Variants in MOGAT3 observed in about 807,000 individuals in gnomAD.
The protein encoded by MOGAT3 is monoacylglycerol O-acyltransferase 3, also known as 2-acylglycerol O-acyltransferase 3.
Under a neutral mutation model 34.4 loss-of-function variants are expected in MOGAT3, and 39 were observed. The observed-to-expected ratio is 1.13, with a 90% confidence interval of 0.88 to 1.48. The LOEUF (loss-of-function observed/expected upper bound fraction) is 1.48. Ranked by LOEUF, MOGAT3 falls within the 40% of genes most tolerant of loss-of-function variation. The probability of loss-of-function intolerance (pLI) is 0.00; values close to 1 mark genes in which losing one functional copy is unlikely to be tolerated. For synonymous variants in MOGAT3, 209 were observed against 179.2 expected, an observed-to-expected ratio of 1.17 and a Z score of -1.33; for missense variants, 439 against 438.9, an observed-to-expected ratio of 1.00 and a Z score of 0.00.
At position 101,195,533 on chromosome 7, in the gene MOGAT3, CTTTTTTTTTTTTTT is replaced by C. The variant is rs60472873; in HGVS notation, c.*399_*412del. On this transcript the variant is annotated 3_prime_UTR_variant, in exon 7 of 7. Transcript: ENST00000223114. The stretch of plus-strand genomic sequence containing the variant: ...CCCAGCCTACTACAGCTTTAACAGT[CTTTTTTTTTTTTTT>C]TTTTTTTTTTTTGAGATTGAGTCTC... 1.9e-5 allele frequency: 1 copy of C among 52,468 alleles called. No homozygotes were observed. Among genetic ancestry groups the C allele is most frequent in the Admixed American group, 2.2e-4 (1 of 4,500 alleles). The allele number at this position is 52,468 out of a possible 1,614,324, so 3.3% of individuals were successfully genotyped here. A position where few individuals can be genotyped will look rare whatever the true frequency, so the allele number is the denominator to read the frequency against.
In MOGAT3 at chr7:101,195,980, C is replaced by G; in HGVS notation, c.992G>C (p.Gly331Ala). The stretch of plus-strand genomic sequence containing the variant: ...GGTGAGGCAGGTGGAAGCGGGGACC[C>G]CACAGCTTTCCTTGTGCTCCTCGAA... Reference protein sequence around the residue: ...QLFEEHKESCGVPASTCLTFI With the variant: ...QLFEEHKESCAVPASTCLTFI The change falls in exon 7 of 7, where the codon GGG becomes GCG. Residue 331 changes from glycine (G) to alanine (A), a missense_variant. Transcript: ENST00000223114. 1 of 1,614,164 alleles carries G rather than the reference C, an allele frequency of 6.2e-7. No homozygotes were observed. The highest frequency in any genetic ancestry group is 8.5e-7 in the Non-Finnish European group (1 of 1,180,030).
At chr7:101,199,237 A>C (rs1797887420) in intron 3 of MOGAT3, among the ~76,000 whole-genome samples, 1 of 151,908 alleles carries the variant, frequency 6.6e-6, no homozygotes, top group Non-Finnish European at 1.5e-5. Flanking sequence ...TGAACTCCTG[A>C]CCTCGTGATC....
At chr7:101,194,143 G>A (rs569839238), downstream of MOGAT3, among the ~76,000 whole-genome samples, 15 of 151,928 alleles carry the variant, frequency 9.9e-5, no homozygotes, top group East Asian at 1.9e-4. Context: ...ACAATCATAA[G>A]CCACCACACC....
Position 101,195,842 on chromosome 7 carries a change from T to G in MOGAT3, c.*104A>C. 8.4e-6 allele frequency: 11 copies of G among 1,309,924 alleles called. No individual in the cohort carries two copies. In the South Asian group the frequency reaches 1.2e-4, roughly 14 times the overall value. The allele number at this position is 1,309,924 out of a possible 1,614,324, so 81.1% of individuals were successfully genotyped here. On this transcript the variant is annotated 3_prime_UTR_variant, in exon 7 of 7. Coordinates refer to ENST00000223114, the MANE Select transcript of MOGAT3 (RefSeq NM_178176.4). ...TGCTGGGATTACAGGCATGAGGCAC[T>G]GCGCTGGGCCCAGAACTACCTTTTA...
chr7:101,198,171 G>A lies in MOGAT3; in HGVS notation c.668+20C>T, dbSNP rs754698014. On this transcript the variant is annotated intron_variant, in intron 5 of 6. Transcript: ENST00000223114. Reference sequence around the variant, plus strand: ...TAAACCAGCAGAGAACTGACAGGTAGGGCCTGCACGCGCACTCACCCGTGC... The same window carrying A: ...TAAACCAGCAGAGAACTGACAGGTAAGGCCTGCACGCGCACTCACCCGTGC... 1.1e-5 allele frequency: 17 copies of A among 1,597,954 alleles called. No individual in the cohort carries two copies. In the South Asian group the frequency reaches 1.2e-4, roughly 12 times the overall value.
At position 101,195,994 on chromosome 7, in the gene MOGAT3, G is replaced by T. The variant is rs762803821; in HGVS notation, c.978C>A (p.His326Gln). 1 of 1,614,168 alleles carries T rather than the reference G, an allele frequency of 6.2e-7. No individual in the cohort carries two copies. Among genetic ancestry groups the T allele is most frequent in the Non-Finnish European group, 8.5e-7 (1 of 1,180,038 alleles). ...AAGCGGGGACCCCACAGCTTTCCTT[G>T]TGCTCCTCGAAGAGCTGCTCCAGGG... is the stretch of plus-strand genomic sequence containing the variant. ...MTALEQLFEE[H>Q]KESCGVPAST... Residue 326 changes from histidine (H) to glutamine (Q), a missense_variant, in exon 7 of 7, where the codon CAC becomes CAA. By Grantham distance (24) the His-to-Gln change is conservative. Coordinates refer to ENST00000223114, the MANE Select transcript of MOGAT3 (RefSeq NM_178176.4).
intron 5 of MOGAT3, among the ~76,000 whole-genome samples, chr7:101,196,957 G>A (rs772559261): frequency 6.6e-6 from 1 of 152,028 alleles, no homozygotes; most frequent in African/African-American, 2.4e-5. Context: ...GAGGTCAGGA[G>A]TTCGAGACCA....
At position 101,200,222 on chromosome 7, in the gene MOGAT3, G is replaced by GTGACCC; in HGVS notation, c.288+6_288+11dup. The GTGACCC allele has an allele frequency of 6.2e-7, 1 of 1,612,628 alleles. No homozygotes were observed. Among genetic ancestry groups the GTGACCC allele is most frequent in the Non-Finnish European group, 8.5e-7 (1 of 1,178,714 alleles). The stretch of plus-strand genomic sequence containing the variant: ...AGGTAGGAAGCAGTTTTTCTGCAGG[G>GTGACCC]TGACCCATCACCTTGACAGGATAAT... On this transcript the variant is annotated intron_variant, in intron 3 of 6. Coordinates refer to ENST00000223114, the MANE Select transcript of MOGAT3 (RefSeq NM_178176.4).
chr7:101,199,000 G>T (rs1207521273), intron 3 of MOGAT3, among the ~76,000 whole-genome samples, 170 bp from the exon 4 acceptor site: 2 of 100,202 alleles, frequency 2.0e-5, no homozygotes, highest in Non-Finnish European at 3.9e-5. Flanking sequence ...AAGGGCCCAG[G>T]TTTTTTTTTT....
downstream of MOGAT3, among the ~76,000 whole-genome samples, chr7:101,193,442 TA>T (rs1173340049): frequency 6.6e-6 from 1 of 151,844 alleles, no homozygotes; most frequent in Non-Finnish European, 1.5e-5. Context: ...TATTTGTTTT[TA>T]TTTTTTGACA....
downstream of MOGAT3, among the ~76,000 whole-genome samples, chr7:101,193,370 C>A (rs577374063): frequency 6.6e-6 from 1 of 152,314 alleles, no homozygotes; most frequent in South Asian, 2.1e-4. Context: ...CGAGGCCTGC[C>A]TGAACTCCAA....
Position 101,198,649 on chromosome 7 carries a change from T to C in MOGAT3, c.470A>G (p.Tyr157Cys), listed in dbSNP as rs1056914754. The change falls in exon 4 of 7, where the codon TAT (tyrosine) becomes TGT (cysteine). Residue 157 changes from tyrosine to cysteine, a missense_variant. By Grantham distance (194) the Tyr-to-Cys change is radical. Transcript: ENST00000223114. ...VLAGLFYLPVYRDYIMSFGLC... is the reference protein window; with the variant it reads ...VLAGLFYLPVCRDYIMSFGLC... ...ACCAAAGGACATGATGTAGTCGCGA[T>C]AGACCGGGAGGTAGAAGAGGCCAGC... The C allele has an allele frequency of 1.2e-6, 2 of 1,613,158 alleles. No individual in the cohort carries two copies. The highest frequency in any genetic ancestry group is 8.5e-7 in the Non-Finnish European group (1 of 1,179,974).
At chr7:101,199,729 C>T (rs1797900771) in intron 3 of MOGAT3, among the ~76,000 whole-genome samples, 1 of 151,708 alleles carries the variant, frequency 6.6e-6, no homozygotes, top group Admixed American at 6.6e-5. Context: ...ATCCTCCCAC[C>T]TCGGCCTCCC....
Position 101,200,496 on chromosome 7 carries a change from A to C in MOGAT3, c.129T>G (p.Leu43=), listed in dbSNP as rs887309969. 7 of 1,595,938 alleles carry C rather than the reference A, an allele frequency of 4.4e-6. No individual in the cohort carries two copies. Among genetic ancestry groups the C allele is most frequent in the Non-Finnish European group, 6.0e-6 (7 of 1,170,720 alleles). ...FLFMGPFFSL[L]VFVLLFTSLW... is the part of the protein sequence containing the mutation. ...GTGACGTGAAGAGGAGGACAAAGAC[A>C]AGAAGGGAGAAGAAAGGGCCTGGGG... Residue 43 remains leucine (L), a synonymous_variant, in exon 2 of 7, where the codon CTT becomes CTG. Coordinates refer to ENST00000223114, the MANE Select transcript of MOGAT3 (RefSeq NM_178176.4).
downstream of MOGAT3, among the ~76,000 whole-genome samples, chr7:101,193,601 G>GACCAAAAATACAA (rs1797722192): frequency 6.6e-6 from 1 of 151,814 alleles, no homozygotes; most frequent in Non-Finnish European, 1.5e-5. Flanking sequence ...GCTAATTTTT[G>GACCAAAAATACAA]TATTTTTGGT....
At position 101,195,735 on chromosome 7, in the gene MOGAT3, T is replaced by G. The variant is rs1377363511; in HGVS notation, c.*211A>C. 1.2e-5 allele frequency: 7 copies of G among 578,174 alleles called. No homozygotes were observed. The highest frequency in any genetic ancestry group is 1.8e-5 in the Non-Finnish European group (6 of 327,448). 35.8% of individuals were successfully genotyped at this position (578,174 alleles called of 1,614,324 possible). A position where few individuals can be genotyped will look rare whatever the true frequency, so the allele number is the denominator to read the frequency against. ...TAACAACATTATTTTTTAATTTTTG[T>G]AGAAATGAAGTCTCACTGTGTTGCC... On this transcript the variant is annotated 3_prime_UTR_variant, in exon 7 of 7. Coordinates refer to ENST00000223114, the MANE Select transcript of MOGAT3 (RefSeq NM_178176.4).
Position 101,198,804 on chromosome 7 carries a change from C to A in MOGAT3, c.315G>T (p.Pro105=), listed in dbSNP as rs753702249. 6 of 1,613,734 alleles carry A rather than the reference C, an allele frequency of 3.7e-6. No homozygotes were observed. The African/African-American group carries it at 6.7e-5, about 18-fold the overall frequency. The change falls in exon 4 of 7, where the codon CCG becomes CCT. Residue 105 remains proline (P), a synonymous_variant. Coordinates refer to ENST00000223114, the MANE Select transcript of MOGAT3 (RefSeq NM_178176.4). ...VKLVKTAELP[P]DRNYVLGAHP... ...GGGCGCCCAGCACGTAGTTCCGATCCGGGGGCAGCTCTGCTGTTTTCACCA... is the reference window on the plus strand; with the variant it reads ...GGGCGCCCAGCACGTAGTTCCGATCAGGGGGCAGCTCTGCTGTTTTCACCA...
Position 101,200,329 on chromosome 7 carries a change from A to G in MOGAT3, c.218-25T>C, listed in dbSNP as rs1472366209. On this transcript the variant is annotated intron_variant, in intron 2 of 6. Coordinates refer to ENST00000223114, the MANE Select transcript of MOGAT3 (RefSeq NM_178176.4). ...CCTGCGGACAATGAGATACTGGTGG[A>G]CGAACCCCCGGAGTCACCTCCCCTC... is the stretch of plus-strand genomic sequence containing the variant. 5.0e-6 allele frequency: 8 copies of G among 1,613,240 alleles called. No individual in the cohort carries two copies. The East Asian group carries it at 1.6e-4, about 31-fold the overall frequency.
chr7:101,193,330 C>A (rs2116755587), downstream of MOGAT3, among the ~76,000 whole-genome samples: 1 of 152,282 alleles, frequency 6.6e-6, no homozygotes, highest in Middle Eastern at 3.4e-3. Context: ...GCTCCCACGG[C>A]AGGAAAGGGG....
Sources: gnomAD v4.1 joint callset for allele counts (sites outside exome capture counted in the v4.1 genomes callset) on GRCh38, gnomAD v4.1.1 for gene constraint, MANE v1.5 for transcripts, NCBI Gene and HGNC (gene_info 2026-07-23, HGNC 2026-07-21) for gene names.